HMGCLL1: variants seen among roughly 807,000 people sequenced by gnomAD.
HMGCLL1 encodes 3-hydroxymethyl-3-methylglutaryl-CoA lyase, cytoplasmic.
A neutral mutation model predicts 39.1 loss-of-function variants in HMGCLL1; 36 were observed. That is an observed-to-expected ratio of 0.92 (90% CI 0.71 to 1.22). The LOEUF (loss-of-function observed/expected upper bound fraction) is 1.22. Among genes scored for constraint, HMGCLL1 ranks in the 50% most tolerant of loss-of-function variants. The pLI, the probability that HMGCLL1 is intolerant of heterozygous loss-of-function variation, is 0.00. For missense variants in HMGCLL1, 451 were observed against 416.5 expected (o/e 1.08, Z -0.72); for synonymous variants, 149 against 144.0 (o/e 1.03, Z -0.25).
the HMGCLL1 span, among the ~76,000 whole-genome samples, chr6:55,649,816 C>T: frequency 6.6e-6 from 1 of 151,526 alleles, no homozygotes; most frequent in Middle Eastern, 3.4e-3. Context: ...TTTCAGGTAA[C>T]CTCTCTTCAA....
chr6:55,641,633 G>A, the HMGCLL1 span, among the ~76,000 whole-genome samples: 1 of 151,980 alleles, frequency 6.6e-6, no homozygotes, highest in East Asian at 1.9e-4. Flanking sequence ...GGAATAGAGA[G>A]TAGGGAAATG....
At chr6:55,435,834 T>G (rs914576073) in intron 8 of HMGCLL1, 71 bp from the exon 9 acceptor site, 3 of 672,616 alleles carry the variant, frequency 4.5e-6, no homozygotes, top group African/African-American at 3.7e-5. Context: ...CATAGCCTTT[T>G]AAATTTTATT....
At chr6:55,503,888 G>A (rs913393265) in intron 5 of HMGCLL1, among the ~76,000 whole-genome samples, 1 of 151,706 alleles carries the variant, frequency 6.6e-6, no homozygotes, top group African/African-American at 2.4e-5. Flanking sequence ...GCCAGCAGCA[G>A]CTTGAGTGTA....
At chr6:55,611,494 T>G in the HMGCLL1 span, among the ~76,000 whole-genome samples, 1 of 151,972 alleles carries the variant, frequency 6.6e-6, no homozygotes, top group Non-Finnish European at 1.5e-5. Context: ...TACCAAAACC[T>G]GAAAGAGACA....
At chr6:55,677,717 A>G in the HMGCLL1 span, among the ~76,000 whole-genome samples, 1 of 152,238 alleles carries the variant, frequency 6.6e-6, no homozygotes, top group African/African-American at 2.4e-5. Flanking sequence ...AACTTAATCC[A>G]GTCTACTTGT....
the HMGCLL1 span, among the ~76,000 whole-genome samples, chr6:55,666,301 T>C: frequency 6.6e-6 from 1 of 151,726 alleles, no homozygotes; most frequent in Non-Finnish European, 1.5e-5. Flanking sequence ...ATTTCAAGAA[T>C]TAACCCACAG....
At chr6:55,640,996 A>G in the HMGCLL1 span, among the ~76,000 whole-genome samples, 1 of 151,884 alleles carries the variant, frequency 6.6e-6, no homozygotes. Context: ...GGGTGAAAGA[A>G]TCAAAAAATG....
At chr6:55,468,260 A>G (rs1038636482) in intron 7 of HMGCLL1, among the ~76,000 whole-genome samples, 1 of 152,022 alleles carries the variant, frequency 6.6e-6, no homozygotes, top group Admixed American at 6.6e-5. Context: ...TTTTTTGAAA[A>G]TGAATGGCCT....
At chr6:55,527,424 G>A (rs1768380079) in intron 3 of HMGCLL1, among the ~76,000 whole-genome samples, 2 of 152,014 alleles carry the variant, frequency 1.3e-5, no homozygotes, top group Non-Finnish European at 2.9e-5. Context: ...AATCAATAAG[G>A]TTGGCTTGAA....
chr6:55,653,789 G>A, the HMGCLL1 span, among the ~76,000 whole-genome samples: 323 of 151,958 alleles, frequency 2.1e-3, 1 homozygote, highest in African/African-American at 7.3e-3. Context: ...AGCTGACCCC[G>A]TAGAGAAGTT....
the HMGCLL1 span, among the ~76,000 whole-genome samples, chr6:55,604,482 T>C: frequency 6.6e-6 from 1 of 152,110 alleles, no homozygotes; most frequent in Admixed American, 6.6e-5. Context: ...ACTTTAAAAA[T>C]ACATTTTAAA....
the HMGCLL1 span, among the ~76,000 whole-genome samples, chr6:55,618,528 T>G: frequency 6.6e-6 from 1 of 151,982 alleles, no homozygotes; most frequent in Admixed American, 6.6e-5. Context: ...TTCAATGTAT[T>G]TTTAGAAGTT....
intron 2 of HMGCLL1, 77 bp downstream of exon 2, chr6:55,541,983 T>C (rs1236266443): frequency 6.7e-6 from 7 of 1,051,312 alleles, no homozygotes; most frequent in Non-Finnish European, 8.6e-6. Context: ...AGATAACATA[T>C]GAAATCCATG....
intron 1 of HMGCLL1, among the ~76,000 whole-genome samples, chr6:55,556,475 A>G (rs1770673885): frequency 6.6e-6 from 1 of 152,162 alleles, no homozygotes; most frequent in Non-Finnish European, 1.5e-5. Flanking sequence ...TCTAGCAAGA[A>G]CCAGAAGACC....
At chr6:55,485,947 A>T (rs1766004209) in intron 7 of HMGCLL1, among the ~76,000 whole-genome samples, 1 of 151,756 alleles carries the variant, frequency 6.6e-6, no homozygotes, top group Middle Eastern at 3.4e-3. Context: ...GATGAATAAA[A>T]TATTAGAAAT....
chr6:55,594,943 T>G, the HMGCLL1 span, among the ~76,000 whole-genome samples: 1 of 152,224 alleles, frequency 6.6e-6, no homozygotes, highest in Non-Finnish European at 1.5e-5. Context: ...ATTGTGTTTC[T>G]TTAAAAAAAT....
intron 1 of HMGCLL1, chr6:55,566,438 C>T (rs1771214684): frequency 1.1e-5 from 3 of 284,174 alleles, no homozygotes; most frequent in South Asian, 1.0e-4. Context: ...TATTTCTCTA[C>T]TTCACAAAAT....
the HMGCLL1 span, among the ~76,000 whole-genome samples, chr6:55,607,987 A>G: frequency 6.6e-6 from 1 of 152,222 alleles, no homozygotes; most frequent in Non-Finnish European, 1.5e-5. Context: ...CATGAAAAAA[A>G]ATAAATACTT....
At chr6:55,630,012 C>T in the HMGCLL1 span, among the ~76,000 whole-genome samples, 1 of 152,156 alleles carries the variant, frequency 6.6e-6, no homozygotes, top group Admixed American at 6.5e-5. Flanking sequence ...ATTGGGGCAC[C>T]ACATAGTGGA....
Sources: gnomAD v4.1 joint callset for allele counts (sites outside exome capture counted in the v4.1 genomes callset) on GRCh38, gnomAD v4.1.1 for gene constraint, MANE v1.5 for transcripts, NCBI Gene and HGNC (gene_info 2026-07-23, HGNC 2026-07-21) for gene names.